Variants in FBXL7 observed in about 807,000 individuals in gnomAD.
FBXL7 encodes F-box and leucine rich repeat protein 7.
Under a neutral mutation model 38.3 loss-of-function variants are expected in FBXL7, and 12 were observed. The ratio of observed to expected loss-of-function variants is 0.31; its 90% CI spans 0.20 to 0.51. The LOEUF is 0.51. Among genes scored for constraint, FBXL7 ranks in the 20% least tolerant of loss-of-function variants. FBXL7 has a pLI of 0.98. For synonymous variants in FBXL7, 297 were observed against 300.9 expected (o/e 0.99, Z 0.13); for missense variants, 567 against 676.4 (o/e 0.84, Z 1.79).
chr5:15,691,603 G>C (rs12519070), intron 2 of FBXL7, among the ~76,000 whole-genome samples: 8,152 of 152,240 alleles, frequency 0.054, 241 homozygotes, highest in East Asian at 0.09. Context: ...TTCCTCTGAT[G>C]CCTGTTACCT....
At chr5:15,850,195 A>C (rs1022480125) in intron 2 of FBXL7, among the ~76,000 whole-genome samples, 6 of 152,250 alleles carry the variant, frequency 3.9e-5, no homozygotes, top group Non-Finnish European at 8.8e-5. Context: ...TGAAAAAGTT[A>C]TGGTAAGAGA....
chr5:15,724,305 A>C (rs1425220590), intron 2 of FBXL7, among the ~76,000 whole-genome samples: 2 of 152,176 alleles, frequency 1.3e-5, no homozygotes, highest in Non-Finnish European at 2.9e-5. Flanking sequence ...GCTGGTACAA[A>C]CAGTCTTTAA....
At chr5:15,636,575 G>A (rs1741193267) in intron 2 of FBXL7, among the ~76,000 whole-genome samples, 1 of 152,078 alleles carries the variant, frequency 6.6e-6, no homozygotes, top group South Asian at 2.1e-4. Context: ...GTAGATTAAA[G>A]CAGGGAATCA....
rs1465144938 is a variant in FBXL7, at chr5:15,928,377, C to T, written c.615C>T (p.Tyr205=). 1.9e-6 allele frequency: 3 copies of T among 1,613,946 alleles called. No individual in the cohort carries two copies. The highest frequency in any genetic ancestry group is 2.5e-6 in the Non-Finnish European group (3 of 1,179,916). Residue 205 remains tyrosine (Y), a synonymous_variant, in exon 3 of 4, where the codon TAC becomes TAT. Transcript: ENST00000504595. The surrounding 1 kb of genome is among the most constrained non-coding windows in gnomAD (Gnocchi z 4.0). ...GGCGGCTCACAGACCGAGGGCTGTA[C>T]ACCATCGCCCAGTGCTGCCCCGAAC... The part of the protein sequence containing the change: ...GCRRLTDRGL[Y]TIAQCCPELR...
rs182448722 is a variant in FBXL7 at position 15,856,307 on chromosome 5, C to T, written c.128-71583C>T. 1.7e-3 allele frequency among the ~76,000 whole-genome samples: 252 copies of T among 152,100 alleles called. 1 individual carries two copies. The highest frequency in any genetic ancestry group is 2.6e-3 in the Non-Finnish European group (180 of 67,992). On this transcript the variant is annotated intron_variant, in intron 2 of 3. Transcript: ENST00000504595. ...TTCCCACCTGGTCCCTCCCACAACA[C>T]GTAGGAATTATGGGAGCTACAATTC...
At chr5:15,685,241 G>A (rs534692146) in intron 2 of FBXL7, among the ~76,000 whole-genome samples, 15 of 152,248 alleles carry the variant, frequency 9.9e-5, no homozygotes, top group East Asian at 9.7e-4. Flanking sequence ...GTGAATATAC[G>A]CTGGGATGCA....
At chr5:15,658,443 G>A (rs543270002) in intron 2 of FBXL7, among the ~76,000 whole-genome samples, 3 of 152,116 alleles carry the variant, frequency 2.0e-5, no homozygotes, top group South Asian at 2.1e-4. Flanking sequence ...TTCCCCCATC[G>A]TGTTCTCATG....
At chr5:15,726,620 G>C (rs1317158868) in intron 2 of FBXL7, among the ~76,000 whole-genome samples, 2 of 151,798 alleles carry the variant, frequency 1.3e-5, no homozygotes, top group Admixed American at 6.6e-5. Context: ...GAACCCAGGA[G>C]GCAGGGGTTG....
intron 2 of FBXL7, among the ~76,000 whole-genome samples, chr5:15,865,524 C>T (rs1739669029): frequency 6.6e-6 from 1 of 152,156 alleles, no homozygotes. Context: ...CTCCATCACA[C>T]TTCACAGACC....
intron 2 of FBXL7, among the ~76,000 whole-genome samples, chr5:15,631,519 A>T (rs1421650225): frequency 6.6e-6 from 1 of 152,010 alleles, no homozygotes; most frequent in Non-Finnish European, 1.5e-5. Context: ...AACATGGTGA[A>T]ACCCCGTCCC....
chr5:15,667,466 A>G (rs1193957582), intron 2 of FBXL7, among the ~76,000 whole-genome samples: 2 of 152,190 alleles, frequency 1.3e-5, no homozygotes, highest in Admixed American at 1.3e-4. Flanking sequence ...TATGCTTGAT[A>G]AACCTAAGAA....
chr5:15,666,398 C>T (rs1450615038), intron 2 of FBXL7, among the ~76,000 whole-genome samples: 1 of 152,150 alleles, frequency 6.6e-6, no homozygotes, highest in Non-Finnish European at 1.5e-5. Flanking sequence ...TATTTACAAA[C>T]TATATTTATT....
In FBXL7 at chr5:15,593,289, C is replaced by T. The variant is rs185755280; in HGVS notation, c.38-22694C>T. 1.2e-3 allele frequency among the ~76,000 whole-genome samples: 184 copies of T among 152,090 alleles called. 1 individual carries two copies. Among genetic ancestry groups the T allele is most frequent in the African/African-American group, 4.0e-3 (165 of 41,470 alleles). Reference sequence around the variant, plus strand: ...CTATAATCCCAACACTTTGGGAGGCCGAGGCAGGTGGATCACCTGAGGTCA... The same window carrying T: ...CTATAATCCCAACACTTTGGGAGGCTGAGGCAGGTGGATCACCTGAGGTCA... On this transcript the variant is annotated intron_variant, in intron 1 of 3. Transcript: ENST00000504595.
intron 1 of FBXL7, among the ~76,000 whole-genome samples, chr5:15,564,571 AAAAAG>A (rs1207382097): frequency 1.3e-5 from 2 of 151,968 alleles, no homozygotes; most frequent in African/African-American, 4.8e-5. Flanking sequence ...AAAAGGAGTA[AAAAAG>A]AAAAAAGAAA....
intron 2 of FBXL7, among the ~76,000 whole-genome samples, chr5:15,741,703 T>C (rs1735897668): frequency 6.6e-6 from 1 of 152,206 alleles, no homozygotes; most frequent in Admixed American, 6.5e-5. Flanking sequence ...AAGGAAAATA[T>C]CGTATAGTCC....
chr5:15,665,358 A>C (rs1443003017), intron 2 of FBXL7, among the ~76,000 whole-genome samples: 2 of 152,188 alleles, frequency 1.3e-5, no homozygotes, highest in East Asian at 3.9e-4. Flanking sequence ...AAAAACCATG[A>C]CATTTTACGT....
intron 2 of FBXL7, among the ~76,000 whole-genome samples, chr5:15,765,014 A>C (rs1247539589): frequency 6.6e-6 from 1 of 152,224 alleles, no homozygotes; most frequent in Non-Finnish European, 1.5e-5. Context: ...TAATTAAATA[A>C]AATTATTGTA....
At chr5:15,927,343 C>G (rs1044691823) in intron 2 of FBXL7, among the ~76,000 whole-genome samples, 2 of 152,090 alleles carry the variant, frequency 1.3e-5, no homozygotes, top group Non-Finnish European at 2.9e-5. Flanking sequence ...GTGCAGACCA[C>G]AGGGAATTGT....
At chr5:15,765,954 T>A (rs990310313) in intron 2 of FBXL7, among the ~76,000 whole-genome samples, 8 of 152,118 alleles carry the variant, frequency 5.3e-5, no homozygotes, top group Admixed American at 2.6e-4. Context: ...TGGTTTCAGA[T>A]AAATCAAGGT....
Sources: gnomAD v4.1 joint callset for allele counts (sites outside exome capture counted in the v4.1 genomes callset) on GRCh38, gnomAD v4.1.1 for gene constraint, Gnocchi (gnomAD v3.1) non-coding constraint, MANE v1.5 for transcripts, NCBI Gene and HGNC (gene_info 2026-07-23, HGNC 2026-07-21) for gene names.